The following CTNNA2 variants were observed in gnomAD, a reference collection of about 807,000 sequenced individuals.
CTNNA2 encodes the protein catenin alpha-2.
In CTNNA2, 42 loss-of-function variants were observed where a neutral mutation model predicts 101.0. The observed-to-expected ratio is 0.42, with a 90% CI of 0.32 to 0.54. The LOEUF (loss-of-function observed/expected upper bound fraction) is 0.54, where lower values mean the gene tolerates loss of function less well. Ranked by LOEUF, CTNNA2 falls within the 20% of genes least tolerant of loss-of-function variation. CTNNA2 has a pLI of 0.14. For missense variants in CTNNA2, 871 were observed against 1,223.1 expected, an observed-to-expected ratio of 0.71 and a Z score of 4.29; for synonymous variants, 450 against 456.4, an observed-to-expected ratio of 0.99 and a Z score of 0.18.
intron 1 of CTNNA2, among the ~76,000 whole-genome samples, chr2:79,607,133 G>T (rs950804386): frequency 2.0e-4 from 31 of 152,174 alleles, no homozygotes; most frequent in African/African-American, 7.5e-4. Context: ...ATGACTACAC[G>T]AATATTAGAA....
intron 3 of CTNNA2, among the ~76,000 whole-genome samples, chr2:79,757,031 A>T (rs1235465155): frequency 6.6e-6 from 1 of 152,240 alleles, no homozygotes; most frequent in Non-Finnish European, 1.5e-5. Context: ...AACAGATTTA[A>T]TTGCCTTATA....
intron 7 of CTNNA2, among the ~76,000 whole-genome samples, chr2:79,951,531 G>A (rs1179998325): frequency 2.0e-5 from 3 of 152,038 alleles, no homozygotes; most frequent in African/African-American, 7.3e-5. Context: ...TGGGCATGGT[G>A]GTGTGCACTT....
intron 3 of CTNNA2, among the ~76,000 whole-genome samples, chr2:79,819,716 A>G (rs1677856672): frequency 6.6e-6 from 1 of 152,160 alleles, no homozygotes; most frequent in Non-Finnish European, 1.5e-5. Flanking sequence ...AATAAGATCT[A>G]GTGTTTTGTA....
At chr2:79,300,519 G>T (rs899691343) in intron 2 of CTNNA2, among the ~76,000 whole-genome samples, 1 of 152,066 alleles carries the variant, frequency 6.6e-6, no homozygotes, top group Non-Finnish European at 1.5e-5. Context: ...AGGGAAGACT[G>T]GTTTATAAAT....
intron 7 of CTNNA2, among the ~76,000 whole-genome samples, chr2:80,354,924 T>C (rs538225935): frequency 6.6e-6 from 1 of 152,172 alleles, no homozygotes; most frequent in African/African-American, 2.4e-5. Context: ...GACAGAGAAG[T>C]GTGGGTGTTT....
intron 8 of CTNNA2, among the ~76,000 whole-genome samples, chr2:80,401,624 A>G (rs1223670343): frequency 6.6e-6 from 1 of 151,986 alleles, no homozygotes; most frequent in Non-Finnish European, 1.5e-5. Context: ...TTTGTTTCTG[A>G]TAGATGGAAC....
intron 1 of CTNNA2, among the ~76,000 whole-genome samples, chr2:79,648,726 C>T (rs888305172): frequency 2.6e-5 from 4 of 152,022 alleles, no homozygotes; most frequent in Admixed American, 6.6e-5. Flanking sequence ...GGGGATTTTG[C>T]GGTCCCCACC....
At chr2:79,577,903 C>T (rs1184954392) in intron 1 of CTNNA2, among the ~76,000 whole-genome samples, 1 of 152,072 alleles carries the variant, frequency 6.6e-6, no homozygotes, top group Non-Finnish European at 1.5e-5. Flanking sequence ...AATCCAATAC[C>T]TTTACTGAAA....
In CTNNA2 at chr2:80,303,500, T is replaced by C. The variant is rs141752316; in HGVS notation, c.1057-89711T>C. ...AACTCGGCGCAGTTTCTGAAAGGCG[T>C]CCCCCTGCACGGAGCAGATGTGATT... On this transcript the variant is annotated intron_variant, in intron 7 of 18. Coordinates refer to ENST00000402739, the MANE Select transcript of CTNNA2 (RefSeq NM_001282597.3). The surrounding 1 kb of genome is among the most constrained non-coding windows in gnomAD (Gnocchi z 7.7). The C allele has an allele frequency of 1.1e-3, 1,708 of 1,613,970 alleles. 1 individual carries two copies. The highest frequency in any genetic ancestry group is 1.5e-3 in the Admixed American group (93 of 60,016).
At chr2:79,583,436 C>A (rs1159426429) in intron 1 of CTNNA2, among the ~76,000 whole-genome samples, 4 of 151,200 alleles carry the variant, frequency 2.6e-5, no homozygotes, top group Admixed American at 6.6e-5. Context: ...CTGGGTTTTT[C>A]ATATATTCAG....
intron 9 of CTNNA2, among the ~76,000 whole-genome samples, chr2:80,507,198 A>G (rs1255715124): frequency 1.3e-5 from 2 of 152,190 alleles, no homozygotes; most frequent in East Asian, 3.8e-4. Context: ...ATAGGGTTGC[A>G]GTACGAATTA....
chr2:79,196,039 C>A (rs1035587145), intron 1 of CTNNA2, among the ~76,000 whole-genome samples: 1 of 152,048 alleles, frequency 6.6e-6, no homozygotes, highest in African/African-American at 2.4e-5. Flanking sequence ...CAGGTACAAG[C>A]GATTCTCCTG....
intron 3 of CTNNA2, among the ~76,000 whole-genome samples, chr2:79,783,854 T>G (rs1422426140): frequency 1.3e-5 from 2 of 152,220 alleles, no homozygotes; most frequent in Admixed American, 1.3e-4. Context: ...TGCCTACAGT[T>G]GTTACTAAAA....
intron 4 of CTNNA2, among the ~76,000 whole-genome samples, chr2:79,864,882 C>T (rs972242014): frequency 2.0e-5 from 3 of 152,112 alleles, no homozygotes; most frequent in Admixed American, 1.3e-4. Flanking sequence ...CAGTCTCTAC[C>T]GGATAAGCAT....
Position 80,209,550 on chromosome 2 carries a change from C to A in CTNNA2, c.1057-183661C>A, listed in dbSNP as rs554946656. 2.0e-5 allele frequency among the ~76,000 whole-genome samples: 3 copies of A among 152,148 alleles called. No homozygotes were observed. The East Asian group carries it at 5.8e-4, about 29-fold the overall frequency. ...TCCTCTCCATAACCGATGTTCAGAT[C>A]TCATTCTCTTATGAACATTTTTGTC... On this transcript the variant is annotated intron_variant, in intron 7 of 18. Coordinates refer to ENST00000402739, the MANE Select transcript of CTNNA2 (RefSeq NM_001282597.3).
intron 7 of CTNNA2, among the ~76,000 whole-genome samples, chr2:79,967,117 C>CGTGTGTGTGT (rs56007530): frequency 6.7e-6 from 1 of 149,578 alleles, no homozygotes; most frequent in Non-Finnish European, 1.5e-5. Flanking sequence ...CGCGCACGCA[C>CGTGTGTGTGT]GTGTGTGTGT....
chr2:79,817,515 A>C (rs751736744), intron 3 of CTNNA2, among the ~76,000 whole-genome samples: 22 of 151,936 alleles, frequency 1.4e-4, no homozygotes, highest in Non-Finnish European at 3.1e-4. Flanking sequence ...GCAGCACTCT[A>C]ACCACATTGA....
intron 9 of CTNNA2, among the ~76,000 whole-genome samples, chr2:80,515,080 G>A (rs1242163430): frequency 6.6e-6 from 1 of 151,908 alleles, no homozygotes; most frequent in African/African-American, 2.4e-5. Flanking sequence ...CACATTCTTA[G>A]GGTGACTAAA....
intron 9 of CTNNA2, among the ~76,000 whole-genome samples, chr2:80,495,824 C>CTT (rs1687409569): frequency 6.6e-6 from 1 of 151,588 alleles, no homozygotes; most frequent in South Asian, 2.1e-4. Context: ...CCTGTAATCC[C>CTT]GGCTACTTGG....
Sources: allele counts gnomAD v4.1 joint callset (sites outside exome capture counted in the v4.1 genomes callset), GRCh38; gene constraint gnomAD v4.1.1; non-coding constraint Gnocchi (gnomAD v3.1); transcripts MANE v1.5; gene names NCBI Gene and HGNC (gene_info 2026-07-23, HGNC 2026-07-21).